The following SGCZ variants were observed in gnomAD, a reference collection of about 807,000 sequenced individuals.
The protein encoded by SGCZ is sarcoglycan zeta.
SGCZ carries 40 observed loss-of-function variants against 41.3 expected under a neutral mutation model. The observed-to-expected ratio is 0.97, with a 90% CI of 0.75 to 1.26. The LOEUF (loss-of-function observed/expected upper bound fraction) is 1.26, where lower values mean the gene tolerates loss of function less well. Ranked by LOEUF, SGCZ falls within the 50% of genes most tolerant of loss-of-function variation. SGCZ has a pLI of 0.00. For missense variants in SGCZ, 552 were observed against 369.8 expected, an observed-to-expected ratio of 1.49 and a Z score of -4.04; for synonymous variants, 206 against 137.5, an observed-to-expected ratio of 1.50 and a Z score of -3.49.
At chr8:14,311,936 T>C (rs1281877297) in intron 3 of SGCZ, among the ~76,000 whole-genome samples, 2 of 152,194 alleles carry the variant, frequency 1.3e-5, no homozygotes, top group South Asian at 2.1e-4. Flanking sequence ...TGCACTTTGT[T>C]CTTTGGAATA....
In SGCZ at chr8:15,002,249, A is replaced by C. The variant is rs115839420; in HGVS notation, c.39+235336T>G. 7.5e-3 allele frequency among the ~76,000 whole-genome samples: 1,138 copies of C among 152,022 alleles called. 8 individuals carry two copies. Among genetic ancestry groups the C allele is most frequent in the African/African-American group, 0.026 (1,067 of 41,494 alleles). On this transcript the variant is annotated intron_variant, in intron 1 of 7. Transcript: ENST00000382080. ...ATAAGTCAATACAAAAACCTAGTGC[A>C]GTGATATTTGCCTTTAAGAAAACTG...
chr8:14,130,506 CAAAT>C (rs1450931192), intron 5 of SGCZ, among the ~76,000 whole-genome samples: 1 of 151,980 alleles, frequency 6.6e-6, no homozygotes, highest in African/African-American at 2.4e-5. Flanking sequence ...AATAAAACAA[CAAAT>C]AAATAAGCAG....
intron 1 of SGCZ, among the ~76,000 whole-genome samples, chr8:14,691,076 T>A (rs1563205280): frequency 6.6e-6 from 1 of 152,200 alleles, no homozygotes. Flanking sequence ...CTTTTTAGCA[T>A]ACTATAAATG....
chr8:14,102,339 G>A (rs1222583906), intron 7 of SGCZ, 37 bp downstream of exon 7: 1 of 1,384,472 alleles, frequency 7.2e-7, no homozygotes, highest in Non-Finnish European at 9.5e-7. Flanking sequence ...TTCAAAGTGG[G>A]CAGTATAGGG....
intron 2 of SGCZ, among the ~76,000 whole-genome samples, chr8:14,402,353 A>C (rs1306971532): frequency 6.6e-6 from 1 of 151,626 alleles, no homozygotes; most frequent in African/African-American, 2.4e-5. Context: ...TTAGACATGA[A>C]GTCCTTGCCC....
chr8:14,198,336 C>A (rs1049419393), intron 4 of SGCZ, among the ~76,000 whole-genome samples: 2 of 152,054 alleles, frequency 1.3e-5, no homozygotes, highest in Admixed American at 6.6e-5. Context: ...CCATGATAGA[C>A]CCAAAGCACA....
chr8:14,476,109 T>C (rs1304242066), intron 2 of SGCZ, among the ~76,000 whole-genome samples: 7 of 152,168 alleles, frequency 4.6e-5, no homozygotes, highest in African/African-American at 7.2e-5. Flanking sequence ...GTTATTCTTA[T>C]GAGTCAACTT....
At chr8:14,339,783 G>C (rs1802638822) in intron 2 of SGCZ, among the ~76,000 whole-genome samples, 2 of 151,888 alleles carry the variant, frequency 1.3e-5, no homozygotes, top group South Asian at 4.1e-4. Context: ...AAGAAAGTGA[G>C]AACTAAAATA....
intron 1 of SGCZ, among the ~76,000 whole-genome samples, chr8:14,897,112 T>G (rs1805230645): frequency 6.6e-6 from 1 of 152,154 alleles, no homozygotes; most frequent in South Asian, 2.1e-4. Flanking sequence ...CCCTAGTCCT[T>G]GCTTTTCACA....
At chr8:14,264,052 G>T (rs2117242553) in intron 3 of SGCZ, among the ~76,000 whole-genome samples, 1 of 152,302 alleles carries the variant, frequency 6.6e-6, no homozygotes, top group East Asian at 1.9e-4. Flanking sequence ...TACAGCCCCA[G>T]CAGTATGGTC....
intron 1 of SGCZ, among the ~76,000 whole-genome samples, chr8:15,180,681 C>A (rs1800146443): frequency 6.6e-6 from 1 of 151,886 alleles, no homozygotes. Context: ...GTCAAGAGTT[C>A]AAGACCATCC....
chr8:14,999,477 T>C (rs943950700), intron 1 of SGCZ, among the ~76,000 whole-genome samples: 9 of 152,042 alleles, frequency 5.9e-5, no homozygotes, highest in Non-Finnish European at 8.8e-5. Context: ...AAAAGTAACA[T>C]TTGCTAAATC....
chr8:14,237,093 C>G (rs1806789627), intron 4 of SGCZ, among the ~76,000 whole-genome samples: 1 of 151,904 alleles, frequency 6.6e-6, no homozygotes, highest in Non-Finnish European at 1.5e-5. Context: ...ATACACAGAC[C>G]TAATGATGTT....
intron 1 of SGCZ, among the ~76,000 whole-genome samples, chr8:14,723,559 C>A (rs995998864): frequency 1.8e-4 from 27 of 152,130 alleles, no homozygotes; most frequent in African/African-American, 6.5e-4. Flanking sequence ...CCTCAGGGCA[C>A]CCCTCTCCCA....
At chr8:14,691,903 T>C (rs1325975715) in intron 1 of SGCZ, among the ~76,000 whole-genome samples, 1 of 152,032 alleles carries the variant, frequency 6.6e-6, no homozygotes, top group Non-Finnish European at 1.5e-5. Flanking sequence ...ACAAATTTTG[T>C]ATCTATATAT....
chr8:14,869,343 G>T (rs1005349204), intron 1 of SGCZ, among the ~76,000 whole-genome samples: 2 of 151,834 alleles, frequency 1.3e-5, no homozygotes, highest in Middle Eastern at 3.4e-3. Flanking sequence ...AAAAACACAT[G>T]ATTATCTCAA....
chr8:14,246,660 C>A (rs1391085350), intron 3 of SGCZ, among the ~76,000 whole-genome samples: 1 of 151,218 alleles, frequency 6.6e-6, no homozygotes, highest in Non-Finnish European at 1.5e-5. Context: ...GTAATCCCAG[C>A]ACTTTGGGAC....
chr8:14,414,224 TAG>T (rs1373301791), intron 2 of SGCZ, among the ~76,000 whole-genome samples: 1 of 151,620 alleles, frequency 6.6e-6, no homozygotes, highest in African/African-American at 2.4e-5. Flanking sequence ...ACGCACACGC[TAG>T]AGAGAGACAT....
chr8:14,551,599 AT>A (rs1803864949), intron 2 of SGCZ, among the ~76,000 whole-genome samples: 1 of 62,208 alleles, frequency 1.6e-5, no homozygotes, highest in Non-Finnish European at 2.7e-5. Context: ...AATATATATT[AT>A]ATATATTATA....
Sources: allele counts gnomAD v4.1 joint callset (sites outside exome capture counted in the v4.1 genomes callset), GRCh38; gene constraint gnomAD v4.1.1; transcripts MANE v1.5; gene names NCBI Gene and HGNC (gene_info 2026-07-23, HGNC 2026-07-21).